Variants in RHOT1 observed in about 807,000 individuals in gnomAD.
RHOT1 encodes ras homolog family member T1.
A neutral mutation model predicts 95.3 loss-of-function variants in RHOT1; 27 were observed. That is an observed-to-expected ratio of 0.28 (90% CI 0.21 to 0.39). The LOEUF is 0.39. RHOT1 is among the 10% of genes least tolerant of loss of function. RHOT1 has a pLI of 1.00. For synonymous variants in RHOT1, 227 were observed against 263.5 expected (o/e 0.86, Z 1.34); for missense variants, 578 against 786.7 (o/e 0.73, Z 3.17).
At chr17:32,183,748 G>A (rs1277634895) in intron 8 of RHOT1, among the ~76,000 whole-genome samples, 1 of 152,102 alleles carries the variant, frequency 6.6e-6, no homozygotes, top group Non-Finnish European at 1.5e-5. Flanking sequence ...GCACGATCTC[G>A]ATCTCGGCTG....
intron 8 of RHOT1, among the ~76,000 whole-genome samples, chr17:32,189,806 C>T (rs1174839943): frequency 1.4e-5 from 2 of 142,822 alleles, no homozygotes; most frequent in African/African-American, 5.4e-5. Flanking sequence ...GATCTCAGCT[C>T]ACTGCAACCT....
At chr17:32,156,429 G>A (rs911230144) in intron 1 of RHOT1, among the ~76,000 whole-genome samples, 2 of 152,264 alleles carry the variant, frequency 1.3e-5, no homozygotes, top group East Asian at 3.9e-4. Flanking sequence ...ACCATGCCTG[G>A]CTAATTTTTA....
chr17:32,166,242 A>G (rs1226396518), intron 1 of RHOT1, among the ~76,000 whole-genome samples: 1 of 151,326 alleles, frequency 6.6e-6, no homozygotes, highest in Non-Finnish European at 1.5e-5. Context: ...TTAAGTGTGT[A>G]ATGTAATATC....
rs571491495 is a variant in RHOT1, at chr17:32,171,026, G to A, written c.38-17G>A. The A allele has an allele frequency of 8.2e-6, 13 of 1,589,278 alleles. No homozygotes were observed. The highest frequency in any genetic ancestry group is 6.8e-5 in the African/African-American group (5 of 73,816). On this transcript the variant is annotated splice_polypyrimidine_tract_variant and intron_variant, in intron 1 of 19. Coordinates refer to ENST00000545287, the MANE Select transcript of RHOT1 (RefSeq NM_001033566.3). ...GAACCTAACACTTTATTAAAGTAAC[G>A]ATTTTTCTTTTCACAGCTAGAGTTG...
At chr17:32,221,030 T>C (rs984582623) in intron 19 of RHOT1, 3 of 973,354 alleles carry the variant, frequency 3.1e-6, no homozygotes, top group Middle Eastern at 5.2e-4. Flanking sequence ...GAAAGAATTA[T>C]GCTTTTGAAT....
chr17:32,195,478 C>A (rs929997927), intron 11 of RHOT1, among the ~76,000 whole-genome samples: 4 of 152,114 alleles, frequency 2.6e-5, no homozygotes, highest in African/African-American at 9.7e-5. Context: ...CCAGTGCCAT[C>A]CCCAAACAAG....
In RHOT1 at chr17:32,170,276, G is replaced by T. The variant is rs144277725; in HGVS notation, c.38-767G>T. Among the ~76,000 whole-genome samples the T allele has an allele frequency of 5.3e-3, 810 of 152,124 alleles. 8 individuals are homozygous for T. Among genetic ancestry groups the T allele is most frequent in the African/African-American group, 0.019 (771 of 41,498 alleles). On this transcript the variant is annotated intron_variant, in intron 1 of 19. Transcript: ENST00000545287. ...CTAAAAATACAAAAATTAGCTGGAC[G>T]TGGTGACACATGCCTATAATCCCAG...
Position 32,224,606 on chromosome 17 carries a change from C to T in RHOT1, c.1863-10C>T, listed in dbSNP as rs768231965. ...ATGTTTTAAATAATAATTATATTTT[C>T]TGACTGCAGGCACGTGACACAAGCT... On this transcript the variant is annotated splice_polypyrimidine_tract_variant and intron_variant, in intron 19 of 19. Coordinates refer to ENST00000545287, the MANE Select transcript of RHOT1 (RefSeq NM_001033566.3). The T allele has an allele frequency of 2.5e-6, 4 of 1,583,856 alleles. No individual in the cohort carries two copies. Among genetic ancestry groups the T allele is most frequent in the Non-Finnish European group, 2.6e-6 (3 of 1,156,326 alleles).
At chr17:32,199,943 C>CTT (rs71362808) in intron 13 of RHOT1, among the ~76,000 whole-genome samples, 5,170 of 128,642 alleles carry the variant, frequency 0.04, 412 homozygotes, top group African/African-American at 0.14. Flanking sequence ...TTAATGAACT[C>CTT]TTTTTTTTTT....
chr17:32,184,142 G>A (rs1300879727), intron 8 of RHOT1, among the ~76,000 whole-genome samples: 1 of 152,118 alleles, frequency 6.6e-6, no homozygotes, highest in African/African-American at 2.4e-5. Flanking sequence ...GTGGTTTTTA[G>A]TGTATTCACA....
At chr17:32,212,796 C>T (rs1308497571) in intron 19 of RHOT1, among the ~76,000 whole-genome samples, 1 of 152,090 alleles carries the variant, frequency 6.6e-6, no homozygotes, top group Non-Finnish European at 1.5e-5. Flanking sequence ...CATTTGAAGA[C>T]GGCCATCATG....
chr17:32,190,362 G>GCT (rs2036397043), intron 8 of RHOT1, among the ~76,000 whole-genome samples: 1 of 152,060 alleles, frequency 6.6e-6, no homozygotes, highest in Non-Finnish European at 1.5e-5. Flanking sequence ...GACTGAGGCA[G>GCT]GAGAATCGCT....
intron 6 of RHOT1, among the ~76,000 whole-genome samples, chr17:32,178,659 G>T (rs1382637358): frequency 1.3e-5 from 2 of 151,012 alleles, no homozygotes; most frequent in East Asian, 3.9e-4. Context: ...CCATCGTCTG[G>T]GATGTGAGGA....
intron 16 of RHOT1, among the ~76,000 whole-genome samples, chr17:32,206,690 TG>T (rs1397244094): frequency 6.6e-6 from 1 of 151,884 alleles, no homozygotes; most frequent in Non-Finnish European, 1.5e-5. Context: ...CCTGACCTTG[TG>T]ATCCGCCCAC....
chr17:32,208,441 A>G (rs112408498), intron 18 of RHOT1, 132 bp downstream of exon 18: 2 of 909,538 alleles, frequency 2.2e-6, no homozygotes, highest in African/African-American at 1.7e-5. Context: ...ATGAGAAGGT[A>G]CAAATTTGAG....
intron 13 of RHOT1, 28 bp downstream of exon 13, chr17:32,199,578 T>C (rs1285081297): frequency 6.5e-7 from 1 of 1,545,476 alleles, no homozygotes. Context: ...CTCTTTCCTC[T>C]AGAGTTACAA....
chr17:32,189,921 T>C (rs1434364637), intron 8 of RHOT1, among the ~76,000 whole-genome samples: 4 of 151,862 alleles, frequency 2.6e-5, no homozygotes, highest in Non-Finnish European at 2.9e-5. Flanking sequence ...TTAGTAGAGA[T>C]GGGGCTAGCC....
At chr17:32,195,042 G>T (rs1288857617) in intron 11 of RHOT1, among the ~76,000 whole-genome samples, 2 of 151,282 alleles carry the variant, frequency 1.3e-5, no homozygotes, top group Non-Finnish European at 2.9e-5. Context: ...AACCAGAATG[G>T]TCTCGATCTC....
intron 11 of RHOT1, among the ~76,000 whole-genome samples, chr17:32,198,321 A>G (rs138494515): frequency 6.6e-6 from 1 of 152,242 alleles, no homozygotes; most frequent in African/African-American, 2.4e-5. Flanking sequence ...TATGAAGCTC[A>G]TAAGTATGAC....
Sources: gnomAD v4.1 joint callset for allele counts (sites outside exome capture counted in the v4.1 genomes callset) on GRCh38, gnomAD v4.1.1 for gene constraint, MANE v1.5 for transcripts, NCBI Gene and HGNC (gene_info 2026-07-23, HGNC 2026-07-21) for gene names.